The following ACIN1 variants were observed in gnomAD, a reference collection of about 807,000 sequenced individuals.
ACIN1 encodes the protein apoptotic chromatin condensation inducer 1.
A neutral mutation model predicts 146.6 loss-of-function variants in ACIN1; 16 were observed. The observed-to-expected ratio is 0.11, with a 90% CI of 0.07 to 0.17. The LOEUF is 0.17. ACIN1 is among the 10% of genes least tolerant of loss of function. The pLI, the probability that ACIN1 is intolerant of heterozygous loss-of-function variation, is 1.00. For synonymous variants in ACIN1, 569 were observed against 582.7 expected (o/e 0.98, Z 0.34); for missense variants, 1,357 against 1,609.3 (o/e 0.84, Z 2.68).
intron 8 of ACIN1, chr14:23,071,645 T>G: frequency 3.0e-6 from 4 of 1,316,852 alleles, no homozygotes; most frequent in Non-Finnish European, 4.1e-6. Flanking sequence ...GGGAGCTGAG[T>G]GAGCAAGGTT....
chr14:23,063,304 G>A, intron 13 of ACIN1, 132 bp downstream of exon 13: 1 of 1,269,776 alleles, frequency 7.9e-7, no homozygotes, highest in South Asian at 1.5e-5. Context: ...TACTTAATAT[G>A]TAGGAGAAAG....
Position 23,059,049 on chromosome 14 carries a change from AC to A in ACIN1, c.*98del, listed in dbSNP as rs2139966596. ...TATGTAGGGATAGGTGATGTGAAAG[AC>A]CCTTGGCTCCAGGGTGGTGGAGACT... On this transcript the variant is annotated 3_prime_UTR_variant, in exon 19 of 19. Coordinates refer to ENST00000605057, the MANE Select transcript of ACIN1 (RefSeq NM_001386863.1). 8.6e-7 allele frequency: 1 copy of A among 1,160,764 alleles called. No individual in the cohort carries two copies. Among genetic ancestry groups the A allele is most frequent in the South Asian group, 1.4e-5 (1 of 72,530 alleles). 71.9% of individuals were successfully genotyped at this position (1,160,764 alleles called of 1,614,324 possible). A position where few individuals can be genotyped will look rare whatever the true frequency, so the allele number is the denominator to read the frequency against.
At position 23,065,885 on chromosome 14, in the gene ACIN1, G is replaced by T; in HGVS notation, c.2308+81C>A. The T allele has an allele frequency of 2.3e-6, 3 of 1,325,662 alleles. No individual in the cohort carries two copies. In the South Asian group the frequency reaches 3.5e-5, roughly 16 times the overall value. 82.1% of individuals were successfully genotyped at this position (1,325,662 alleles called of 1,614,324 possible). On this transcript the variant is annotated intron_variant, in intron 10 of 18. Transcript: ENST00000605057. ...GAGGGAGTGACCCAAGAATGCCATT[G>T]AGAATGAAATTCTGGTTCTCAATGA... is the stretch of plus-strand genomic sequence containing the variant.
At chr14:23,069,119 AAAG>A in intron 9 of ACIN1, 1 of 1,005,252 alleles carries the variant, frequency 9.9e-7, no homozygotes, top group Non-Finnish European at 1.2e-6. Context: ...AGGCTTTTAA[AAAG>A]GAGGGAAAGC....
intron 2 of ACIN1, among the ~76,000 whole-genome samples, chr14:23,092,750 T>G (rs1394914464): frequency 6.6e-6 from 1 of 152,180 alleles, no homozygotes; most frequent in East Asian, 1.9e-4. Context: ...ATTTAAAAAT[T>G]TTATGCAGAA....
At chr14:23,072,290 G>A (rs946411585) in intron 8 of ACIN1, among the ~76,000 whole-genome samples, 1 of 152,126 alleles carries the variant, frequency 6.6e-6, no homozygotes, top group Non-Finnish European at 1.5e-5. Context: ...TCTTTAATAA[G>A]GTCACCCTGC....
Position 23,061,354 on chromosome 14 carries a change from C to A in ACIN1, c.3368G>T (p.Arg1123Leu), listed in dbSNP as rs374166846. ...CGCACGTTCCTTGCGGCGGCGGTCACGGGACCTTGATCGGGAACGGGGCCC... is the reference window on the plus strand; with the variant it reads ...CGCACGTTCCTTGCGGCGGCGGTCAAGGGACCTTGATCGGGAACGGGGCCC... ...REGPRSRSRS[R>L]DRRRKERAKS... The change falls in exon 17 of 19, where the codon CGT becomes CTT. Residue 1123 changes from arginine to leucine, a missense_variant. This residue lies in a region of ACIN1 where 509 missense variants were observed against 719.6 expected (regional missense o/e 0.71). Coordinates refer to ENST00000605057, the MANE Select transcript of ACIN1 (RefSeq NM_001386863.1). 1 of 1,614,034 alleles carries A rather than the reference C, an allele frequency of 6.2e-7. No individual in the cohort carries two copies. Among genetic ancestry groups the A allele is most frequent in the African/African-American group, 1.3e-5 (1 of 74,900 alleles).
At chr14:23,081,939 G>T in intron 4 of ACIN1, 103 bp from the exon 5 acceptor site, 1 of 842,216 alleles carries the variant, frequency 1.2e-6, no homozygotes, top group Non-Finnish European at 1.9e-6. Context: ...TAGCATATGA[G>T]CCTATCAAGA....
intron 4 of ACIN1, 43 bp downstream of exon 4, chr14:23,089,939 C>T (rs750064925): frequency 1.6e-5 from 24 of 1,539,882 alleles, no homozygotes; most frequent in Middle Eastern, 2.3e-4. Flanking sequence ...CCACCAACTA[C>T]GCAGGATTGA....
chr14:23,086,656 T>C (rs2048098552), intron 4 of ACIN1, among the ~76,000 whole-genome samples: 1 of 152,144 alleles, frequency 6.6e-6, no homozygotes, highest in Non-Finnish European at 1.5e-5. Context: ...CAGCTAATGT[T>C]TTCTATTTTT....
rs149875662 is a variant in ACIN1, at chr14:23,081,429, C to T, written c.525+319G>A. 3.6e-4 allele frequency among the ~76,000 whole-genome samples: 54 copies of T among 152,090 alleles called. No individual in the cohort carries two copies. In the East Asian group the frequency reaches 9.5e-3, roughly 27 times the overall value. On this transcript the variant is annotated intron_variant, in intron 5 of 18. Coordinates refer to ENST00000605057, the MANE Select transcript of ACIN1 (RefSeq NM_001386863.1). ...AGCAGATCTAAATAAAAAGACAAAA[C>T]GAACAACAAAAAGATGACAAAGAGG...
chr14:23,085,589 G>C (rs1341229377), intron 4 of ACIN1, among the ~76,000 whole-genome samples: 1 of 152,144 alleles, frequency 6.6e-6, no homozygotes, highest in African/African-American at 2.4e-5. Flanking sequence ...AGAAAGTTCT[G>C]GTCATCACTG....
At chr14:23,069,445 A>C (rs1594754791) in intron 9 of ACIN1, 31 bp downstream of exon 9, 1 of 1,606,714 alleles carries the variant, frequency 6.2e-7, no homozygotes, top group Non-Finnish European at 8.5e-7. Flanking sequence ...ATTCCTGCCC[A>C]CCCGCCCCAA....
intron 8 of ACIN1, among the ~76,000 whole-genome samples, chr14:23,075,605 A>AT (rs5807201): frequency 0.54 from 80,785 of 148,810 alleles, 22,109 homozygotes; most frequent in East Asian, 0.63. Context: ...TTGAAGTCTA[A>AT]TTTTTTTTTT....
upstream of ACIN1, chr14:23,095,365 T>G: frequency 6.7e-7 from 1 of 1,500,566 alleles, no homozygotes; most frequent in South Asian, 1.3e-5. Context: ...TTCTTCGTCT[T>G]GCCGAAGCTT....
At chr14:23,081,475 GA>G (rs1339937402) in intron 5 of ACIN1, among the ~76,000 whole-genome samples, 12 of 152,122 alleles carry the variant, frequency 7.9e-5, no homozygotes, top group Admixed American at 5.2e-4. Context: ...TAACCACAAA[GA>G]AATCTAGAGG....
rs563023021 is a variant in ACIN1, at chr14:23,062,466, C to T, written c.2941G>A (p.Val981Met). The T allele has an allele frequency of 1.9e-6, 3 of 1,614,200 alleles. No individual in the cohort carries two copies. Among genetic ancestry groups the T allele is most frequent in the South Asian group, 2.2e-5 (2 of 91,088 alleles). The stretch of plus-strand genomic sequence containing the variant: ...TTGTCAATCCAGAAGGCCTCTTCCA[C>T]CAAGGTTCCTGTGCGCCCCAACAAC... ...KELLGRTGTL[V>M]EEAFWIDKIK... The change falls in exon 15 of 19, where the codon GTG becomes ATG. Residue 981 changes from valine to methionine, a missense_variant. By Grantham distance (21) the Val-to-Met change is conservative. Transcript: ENST00000605057.
chr14:23,084,478 C>T (rs1055366094), intron 4 of ACIN1, among the ~76,000 whole-genome samples: 8 of 151,982 alleles, frequency 5.3e-5, no homozygotes, highest in Non-Finnish European at 7.4e-5. Flanking sequence ...GGCGTGGTGG[C>T]GTACGCCTGC....
intron 5 of ACIN1, among the ~76,000 whole-genome samples, chr14:23,081,425 A>G (rs1055350834): frequency 3.3e-5 from 5 of 152,246 alleles, no homozygotes; most frequent in Non-Finnish European, 7.3e-5. Context: ...ATAAAAAGAC[A>G]AAACGAACAA....
Sources: allele counts gnomAD v4.1 joint callset (sites outside exome capture counted in the v4.1 genomes callset), GRCh38; gene constraint gnomAD v4.1.1; regional missense constraint gnomAD v4.1.1; transcripts MANE v1.5; gene names NCBI Gene and HGNC (gene_info 2026-07-23, HGNC 2026-07-21).